The following MYO15A variants were observed in gnomAD, a reference collection of about 807,000 sequenced individuals.
The protein encoded by MYO15A is unconventional myosin-XV.
A neutral mutation model predicts 394.6 loss-of-function variants in MYO15A; 308 were observed. The observed-to-expected ratio is 0.78, with a 90% CI of 0.71 to 0.86. MYO15A has a LOEUF of 0.86. Ranked by LOEUF, MYO15A falls within the 40% of genes least tolerant of loss-of-function variation. MYO15A has a pLI of 0.00. For synonymous variants in MYO15A, 1,957 were observed against 2,003.8 expected (o/e 0.98, Z 0.62); for missense variants, 4,606 against 4,799.1 (o/e 0.96, Z 1.19).
chr17:18,146,075 AC>A lies in MYO15A; in HGVS notation c.6479del (p.Pro2160LeufsTer93). On this transcript the variant is annotated frameshift_variant, in exon 30 of 66. Coordinates refer to ENST00000647165, the MANE Select transcript of MYO15A (RefSeq NM_016239.4). LOFTEE classifies it high-confidence loss of function. ...LLAACLSGFA[P>X]SPCFNKYLLK... ...TGGCCGCCTGCCTCAGTGGCTTTGC[AC>A]CTTCCCCGTGCTTCAACAAGTACCT... 6.2e-7 allele frequency: 1 copy of A among 1,613,836 alleles called. No individual in the cohort carries two copies. The highest frequency in any genetic ancestry group is 1.6e-4 in the Middle Eastern group (1 of 6,062).
chr17:18,151,811 A>G (rs776179031), intron 40 of MYO15A, 35 bp from the exon 41 acceptor site: 5 of 1,535,058 alleles, frequency 3.3e-6, no homozygotes, highest in East Asian at 2.4e-5. Flanking sequence ...AGGGAGACTC[A>G]GTGTCAACCC....
At chr17:18,123,317 C>A (rs1039834447) in intron 2 of MYO15A, 1 of 152,278 alleles carries the variant, frequency 6.6e-6, no homozygotes, top group African/African-American at 2.4e-5. Flanking sequence ...GTGTGGGCTG[C>A]AGCGTTGCGG....
chr17:18,158,239 A>G, intron 51 of MYO15A: 1 of 587,320 alleles, frequency 1.7e-6, no homozygotes, highest in South Asian at 2.1e-5. Context: ...CGGCTTGTGG[A>G]GCTAGCGAGG....
At chr17:18,134,165 T>C (rs1253346387) in intron 12 of MYO15A, among the ~76,000 whole-genome samples, 1 of 151,756 alleles carries the variant, frequency 6.6e-6, no homozygotes, top group Non-Finnish European at 1.5e-5. Flanking sequence ...AATTTTTGTA[T>C]TTTTAGTAGA....
chr17:18,119,055 G>T lies in MYO15A; in HGVS notation c.255G>T (p.Lys85Asn). The T allele has an allele frequency of 6.2e-7, 1 of 1,612,420 alleles. No homozygotes were observed. The highest frequency in any genetic ancestry group is 8.5e-7 in the Non-Finnish European group (1 of 1,179,776). Residue 85 changes from lysine to asparagine, a missense_variant, in exon 2 of 66, where the codon AAG becomes AAT. By Grantham distance (94) the Lys-to-Asn change is moderately conservative. Around this residue, in one of 2 missense-constraint regions of MYO15A, gnomAD observed 1,830 missense variants for 1,689.7 expected, o/e 1.08. Coordinates refer to ENST00000647165, the MANE Select transcript of MYO15A (RefSeq NM_016239.4). Reference sequence around the variant, plus strand: ...GCACCGTGCTCAAGTCCACGTCAAAGCTCATGACGCAGATGCGCATGGGCA... The same window carrying T: ...GCACCGTGCTCAAGTCCACGTCAAATCTCATGACGCAGATGCGCATGGGCA... ...KARTVLKSTS[K>N]LMTQMRMGKK...
intron 58 of MYO15A, 56 bp downstream of exon 58, chr17:18,162,735 C>A: frequency 6.4e-7 from 1 of 1,567,560 alleles, no homozygotes; most frequent in South Asian, 1.1e-5. Flanking sequence ...CGCAGTGGCT[C>A]ATGCCTGTAA....
chr17:18,157,240 C>T lies in MYO15A; in HGVS notation c.8788+10C>T. On this transcript the variant is annotated intron_variant, in intron 50 of 65. Coordinates refer to ENST00000647165, the MANE Select transcript of MYO15A (RefSeq NM_016239.4). ...AGAGGCCCCGACTTTGGTGTGTGCC[C>T]CAGAACCTGGAACCCCATACGGGGC... 6.3e-7 allele frequency: 1 copy of T among 1,598,486 alleles called. No individual in the cohort carries two copies. The highest frequency in any genetic ancestry group is 8.5e-7 in the Non-Finnish European group (1 of 1,172,274).
At chr17:18,155,056 G>A in intron 45 of MYO15A, 54 bp from the exon 46 acceptor site, 1 of 1,520,876 alleles carries the variant, frequency 6.6e-7, no homozygotes, top group Non-Finnish European at 9.0e-7. Flanking sequence ...TCCCCGAGAT[G>A]GGGGTTGCCA....
chr17:18,167,602 T>A lies in MYO15A; in HGVS notation c.9961T>A (p.Tyr3321Asn), dbSNP rs2046872473. 1 of 1,602,740 alleles carries A rather than the reference T, an allele frequency of 6.2e-7. No homozygotes were observed. Among genetic ancestry groups the A allele is most frequent in the Non-Finnish European group, 8.5e-7 (1 of 1,179,910 alleles). The change falls in exon 62 of 66, where the codon TAC becomes AAC. Residue 3321 changes from tyrosine to asparagine, a missense_variant. By Grantham distance (143) the Tyr-to-Asn change is moderately radical. Transcript: ENST00000647165. ...TMHYNQVLPDYLKGLFSSVPA... is the reference protein window; with the variant it reads ...TMHYNQVLPDNLKGLFSSVPA... ...GTGCTCCCTGCAGGTCCTGCCTGAC[T>A]ACCTGAAGGGACTCTTCAGCAGTGT...
In MYO15A at chr17:18,119,959, G is replaced by A; in HGVS notation, c.1159G>A (p.Gly387Ser). 5 of 1,613,622 alleles carry A rather than the reference G, an allele frequency of 3.1e-6. No individual in the cohort carries two copies. Among genetic ancestry groups the A allele is most frequent in the Non-Finnish European group, 4.2e-6 (5 of 1,180,000 alleles). ...TVPYAEGVYG[G>S]GDEAIYPPEV... is the part of the protein sequence containing the mutation. ...CCCCTATGCCGAAGGCGTCTATGGC[G>A]GTGGGGACGAGGCCATCTACCCCCC... Residue 387 changes from glycine to serine, a missense_variant, in exon 2 of 66, where the codon GGT (glycine) becomes AGT (serine). Gly to Ser is a moderately conservative substitution (Grantham distance 56). This residue lies in a region of MYO15A where 1,830 missense variants were observed against 1,689.7 expected (regional missense o/e 1.08). Coordinates refer to ENST00000647165, the MANE Select transcript of MYO15A (RefSeq NM_016239.4).
At chr17:18,124,927 G>A (rs191560306) in intron 3 of MYO15A, 17 of 604,494 alleles carry the variant, frequency 2.8e-5, no homozygotes, top group Admixed American at 5.6e-5. Context: ...CAGTGATTAC[G>A]TAAGAGTGTC....
chr17:18,172,488 A>G (rs1384170674), intron 64 of MYO15A, 198 bp downstream of exon 64: 3 of 809,030 alleles, frequency 3.7e-6, no homozygotes, highest in Non-Finnish European at 6.2e-6. Context: ...AGCCCCACCC[A>G]TAGGGCTGTT....
intron 29 of MYO15A, among the ~76,000 whole-genome samples, chr17:18,145,174 G>A (rs1038362667): frequency 6.6e-5 from 10 of 152,110 alleles, no homozygotes; most frequent in African/African-American, 2.4e-4. Flanking sequence ...TCATCCCAAG[G>A]CACCTAGGGA....
Position 18,143,423 on chromosome 17 carries a change from A to G in MYO15A, c.5911-143A>G, listed in dbSNP as rs542999973. Reference sequence around the variant, plus strand: ...CCTCAGCCTCCCGCCCCACCTGTGGAGTGGGGCAGTCACCTCCACACAACA... The same window carrying G: ...CCTCAGCCTCCCGCCCCACCTGTGGGGTGGGGCAGTCACCTCCACACAACA... On this transcript the variant is annotated intron_variant, in intron 25 of 65. Coordinates refer to ENST00000647165, the MANE Select transcript of MYO15A (RefSeq NM_016239.4). 7.7e-4 allele frequency: 684 copies of G among 893,602 alleles called. 11 individuals are homozygous for G. In the South Asian group the frequency reaches 9.2e-3, roughly 12 times the overall value. The allele number at this position is 893,602 out of a possible 1,614,324, so 55.4% of individuals were successfully genotyped here.
intron 4 of MYO15A, among the ~76,000 whole-genome samples, chr17:18,126,016 G>A (rs973008846): frequency 9.9e-5 from 15 of 152,254 alleles, no homozygotes; most frequent in Non-Finnish European, 1.9e-4. Flanking sequence ...ACTCTAGGCA[G>A]TGGAGGTTTG....
Position 18,148,153 on chromosome 17 carries a change from G to A in MYO15A, c.6634G>A (p.Glu2212Lys), listed in dbSNP as rs371352836. The A allele has an allele frequency of 3.8e-5, 62 of 1,613,736 alleles. No homozygotes were observed. The highest frequency in any genetic ancestry group is 4.8e-5 in the Non-Finnish European group (57 of 1,180,028). Residue 2212 changes from glutamate (E) to lysine (K), a missense_variant, in exon 31 of 66, where the codon GAG becomes AAG. Around this residue, in one of 2 missense-constraint regions of MYO15A, gnomAD observed 2,776 missense variants for 3,109.3 expected, o/e 0.89. Coordinates refer to ENST00000647165, the MANE Select transcript of MYO15A (RefSeq NM_016239.4). This position sits in a 1 kb window ranked among gnomAD's most constrained non-coding sequence, Gnocchi z 4.8. ...AARTLPPTQL[E>K]WTATYEKASM... ...CCGCACCTTACCCCCGACCCAGCTC[G>A]AGTGGACAGCGACCTATGAGAAGGC...
In MYO15A at chr17:18,119,538, C is replaced by G; in HGVS notation, c.738C>G (p.Tyr246Ter). The stretch of plus-strand genomic sequence containing the variant: ...ATCACCGCGACGGCGACGACTACTA[C>G]GACCGGCAGTCACTCCACCGCTACG... ...YDYHRDGDDY[Y>*]DRQSLHRYEE... The change falls in exon 2 of 66, where the codon TAC becomes TAG. Residue 246 changes from tyrosine (Y) to a stop codon, truncating the protein, a stop_gained. Transcript: ENST00000647165. LOFTEE classifies it high-confidence loss of function. The G allele has an allele frequency of 6.2e-7, 1 of 1,609,208 alleles. No individual in the cohort carries two copies. The highest frequency in any genetic ancestry group is 8.5e-7 in the Non-Finnish European group (1 of 1,179,950).
At chr17:18,136,355 G>A (rs1398597050) in intron 13 of MYO15A, 62 bp from the exon 14 acceptor site, 4 of 1,597,716 alleles carry the variant, frequency 2.5e-6, no homozygotes, top group East Asian at 4.5e-5. Context: ...TTAGTCCCCT[G>A]GGGGCTTTCC....
At chr17:18,111,187 T>C (rs902315027) in intron 1 of MYO15A, among the ~76,000 whole-genome samples, 4 of 152,032 alleles carry the variant, frequency 2.6e-5, no homozygotes, top group Admixed American at 2.0e-4. Context: ...AAAAAAACAT[T>C]AGCCAGGTGT....
Sources: allele counts gnomAD v4.1 joint callset (sites outside exome capture counted in the v4.1 genomes callset), GRCh38; gene constraint gnomAD v4.1.1; regional missense constraint gnomAD v4.1.1; non-coding constraint Gnocchi (gnomAD v3.1); transcripts MANE v1.5; gene names NCBI Gene and HGNC (gene_info 2026-07-23, HGNC 2026-07-21).